Variants in TNFRSF14 observed in about 807,000 individuals in gnomAD.
TNFRSF14 encodes the protein TNF receptor superfamily member 14.
In TNFRSF14, 18 loss-of-function variants were observed where a neutral mutation model predicts 34.1. That is an observed-to-expected ratio of 0.53 (90% CI 0.36 to 0.78). The LOEUF (loss-of-function observed/expected upper bound fraction) is 0.78, where lower values mean the gene tolerates loss of function less well. Ranked by LOEUF, TNFRSF14 falls within the 30% of genes least tolerant of loss-of-function variation. The probability of loss-of-function intolerance (pLI) is 0.00; values close to 1 mark genes in which losing one functional copy is unlikely to be tolerated. For missense variants in TNFRSF14, 352 were observed against 379.5 expected (o/e 0.93, Z 0.60); for synonymous variants, 157 against 153.2 (o/e 1.02, Z -0.18).
chr1:2,560,514 T>C, intron 4 of TNFRSF14, 110 bp from the exon 5 acceptor site: 1 of 743,426 alleles, frequency 1.3e-6, no homozygotes, highest in East Asian at 2.7e-5. Context: ...GGTCCTCCCA[T>C]CACCCGTAGA....
chr1:2,561,359 G>A lies in TNFRSF14; in HGVS notation c.552-314G>A, dbSNP rs889584436. ...TACCTTCTGTCCTTGTCTGCCACTGGTCTCCCGTGCTCTGGGGTCTCTGCA... is the reference window on the plus strand; with the variant it reads ...TACCTTCTGTCCTTGTCTGCCACTGATCTCCCGTGCTCTGGGGTCTCTGCA... On this transcript the variant is annotated intron_variant, in intron 5 of 7. Transcript: ENST00000355716. The surrounding 1 kb of genome is among the most constrained non-coding windows in gnomAD (Gnocchi z 6.0). The A allele has an allele frequency of 1.0e-5, 8 of 797,824 alleles. No homozygotes were observed. In the African/African-American group the frequency reaches 1.4e-4, roughly 14 times the overall value. 49.4% of individuals were successfully genotyped at this position (797,824 alleles called of 1,614,324 possible). A position where few individuals can be genotyped will look rare whatever the true frequency, so the allele number is the denominator to read the frequency against.
rs756220894 is a variant in TNFRSF14 at position 2,559,963 on chromosome 1, A to G, written c.445A>G (p.Arg149Gly). Reference protein sequence around the residue: ...RAYATSSPGQRVQKGGTESQD... With the variant: ...RAYATSSPGQGVQKGGTESQD... The stretch of plus-strand genomic sequence containing the variant: ...TTACGCCACCTCCAGCCCGGGCCAG[A>G]GGGTGCAGAAGGGAGGTAAGCGGTG... The change falls in exon 4 of 8, where the codon AGG becomes GGG. Residue 149 changes from arginine to glycine, a missense_variant. Transcript: ENST00000355716. 9 of 1,570,228 alleles carry G rather than the reference A, an allele frequency of 5.7e-6. No homozygotes were observed. In the African/African-American group the frequency reaches 1.1e-4, roughly 19 times the overall value.
rs1644259534 is a variant in TNFRSF14 at position 2,558,819 on chromosome 1, T to C, written c.304+351T>C. 4 of 1,327,290 alleles carry C rather than the reference T, an allele frequency of 3.0e-6. No individual in the cohort carries two copies. In the South Asian group the frequency reaches 5.8e-5, roughly 19 times the overall value. The allele number at this position is 1,327,290 out of a possible 1,614,324, so 82.2% of individuals were successfully genotyped here. A position where few individuals can be genotyped will look rare whatever the true frequency, so the allele number is the denominator to read the frequency against. On this transcript the variant is annotated intron_variant, in intron 3 of 7. Coordinates refer to ENST00000355716, the MANE Select transcript of TNFRSF14 (RefSeq NM_003820.4). ...AAGTGGAATGGGATGGTGCTGGGAC[T>C]CTCCGGCCGGCACTCGGGCCTGCTG...
intron 6 of TNFRSF14, chr1:2,562,094 G>A (rs1644318589): frequency 2.0e-6 from 1 of 509,498 alleles, no homozygotes; most frequent in African/African-American, 1.9e-5. Flanking sequence ...CCTGCCCCCT[G>A]TGGGATGTGG....
At chr1:2,556,113 G>A (rs780346791), upstream of TNFRSF14, 18 of 357,112 alleles carry the variant, frequency 5.0e-5, no homozygotes, top group Admixed American at 5.8e-4. Flanking sequence ...TGGCCAGACC[G>A]CATTCTGGTG....
At position 2,557,802 on chromosome 1, in the gene TNFRSF14, T is replaced by G; in HGVS notation, c.146T>G (p.Val49Gly). The change falls in exon 2 of 8, where the codon GTG becomes GGG. Residue 49 changes from valine (V) to glycine (G), a missense_variant. Physicochemically the swap from Val to Gly is moderately radical, Grantham distance 109. Transcript: ENST00000355716. ...LPSCKEDEYP[V>G]GSECCPKCSP... ...TCCTGCAAGGAGGACGAGTACCCAGTGGGCTCCGAGTGCTGCCCCAAGTGC... is the reference window on the plus strand; with the variant it reads ...TCCTGCAAGGAGGACGAGTACCCAGGGGGCTCCGAGTGCTGCCCCAAGTGC... The G allele has an allele frequency of 6.2e-7, 1 of 1,611,478 alleles. No homozygotes were observed. Among genetic ancestry groups the G allele is most frequent in the South Asian group, 1.1e-5 (1 of 90,752 alleles).
upstream of TNFRSF14, chr1:2,556,306 G>A (rs1488779189): frequency 1.9e-5 from 11 of 581,410 alleles, no homozygotes; most frequent in Admixed American, 2.2e-4. Flanking sequence ...CCTTCTACAG[G>A]AAACCCGGAG....
chr1:2,554,763 C>T (rs926569374), upstream of TNFRSF14: 1 of 152,292 alleles, frequency 6.6e-6, no homozygotes, highest in Admixed American at 6.5e-5. This position sits in a 1 kb window ranked among gnomAD's most constrained non-coding sequence, Gnocchi z 4.2. Flanking sequence ...CAGTTTCCCT[C>T]CTCCCCAGGG....
chr1:2,562,870 G>A lies in TNFRSF14; in HGVS notation c.700G>A (p.Val234Ile), dbSNP rs780202836. The change falls in exon 7 of 8, where the codon GTA (valine) becomes ATA (isoleucine). Residue 234 changes from valine to isoleucine, a missense_variant. Physicochemically the swap from Val to Ile is conservative, Grantham distance 29 (BLOSUM62 3). Transcript: ENST00000355716. Reference sequence around the variant, plus strand: ...TGTGTGTCTGTGTATTGCAGGTGATGTAGTCAAGGTGATCGTCTCCGTCCA... The same window carrying A: ...TGTGTGTCTGTGTATTGCAGGTGATATAGTCAAGGTGATCGTCTCCGTCCA... ...CVKRRKPRGD[V>I]VKVIVSVQRK... 2 of 1,613,956 alleles carry A rather than the reference G, an allele frequency of 1.2e-6. No individual in the cohort carries two copies. Among genetic ancestry groups the A allele is most frequent in the East Asian group, 2.2e-5 (1 of 44,886 alleles).
chr1:2,560,615 T>C lies in TNFRSF14; in HGVS notation c.461-9T>C, dbSNP rs754024387. ...CCTCAGCCCCCTCTGTCCGTCCCTCTCTTCTCAGGCACCGAGAGTCAGGAC... is the reference window on the plus strand; with the variant it reads ...CCTCAGCCCCCTCTGTCCGTCCCTCCCTTCTCAGGCACCGAGAGTCAGGAC... On this transcript the variant is annotated splice_polypyrimidine_tract_variant and intron_variant, in intron 4 of 7. Coordinates refer to ENST00000355716, the MANE Select transcript of TNFRSF14 (RefSeq NM_003820.4). 6.2e-7 allele frequency: 1 copy of C among 1,611,652 alleles called. No individual in the cohort carries two copies. The highest frequency in any genetic ancestry group is 8.5e-7 in the Non-Finnish European group (1 of 1,178,992).
intron 6 of TNFRSF14, chr1:2,562,173 A>T (rs1242954984): frequency 5.5e-6 from 2 of 363,884 alleles, no homozygotes; most frequent in African/African-American, 2.0e-5. Flanking sequence ...CCTGCTGGGG[A>T]CAAGGCTTTG....
At position 2,556,479 on chromosome 1, in the gene TNFRSF14, C is replaced by T; in HGVS notation, c.-186C>T. 1.4e-6 allele frequency: 1 copy of T among 719,532 alleles called. No individual in the cohort carries two copies. Among genetic ancestry groups the T allele is most frequent in the Middle Eastern group, 2.3e-4 (1 of 4,412 alleles). The allele number at this position is 719,532 out of a possible 1,614,324, so 44.6% of individuals were successfully genotyped here. ...AGCAGGCCTGAGCCCCTCTCTGCTGCCAGACACCCCCTGCTGCCCACTCTC... is the reference window on the plus strand; with the variant it reads ...AGCAGGCCTGAGCCCCTCTCTGCTGTCAGACACCCCCTGCTGCCCACTCTC... On this transcript the variant is annotated 5_prime_UTR_variant, in exon 1 of 8. Transcript: ENST00000355716.
In TNFRSF14 at chr1:2,556,476, C is replaced by T. The variant is rs1445967574; in HGVS notation, c.-189C>T. 3 of 716,660 alleles carry T rather than the reference C, an allele frequency of 4.2e-6. No homozygotes were observed. In the African/African-American group the frequency reaches 5.2e-5, roughly 12 times the overall value. 44.4% of individuals were successfully genotyped at this position (716,660 alleles called of 1,614,324 possible). A position where few individuals can be genotyped will look rare whatever the true frequency, so the allele number is the denominator to read the frequency against. ...CCCAGCAGGCCTGAGCCCCTCTCTG[C>T]TGCCAGACACCCCCTGCTGCCCACT... On this transcript the variant is annotated 5_prime_UTR_variant, in exon 1 of 8. Transcript: ENST00000355716.
At chr1:2,560,889 G>C in intron 5 of TNFRSF14, 175 bp downstream of exon 5, 1 of 617,462 alleles carries the variant, frequency 1.6e-6, no homozygotes, top group Non-Finnish European at 2.9e-6. Flanking sequence ...GTGTGCCCCA[G>C]ATAACCCCTT....
chr1:2,556,784 C>T (rs747028667), intron 1 of TNFRSF14, 51 bp downstream of exon 1: 1 of 1,503,894 alleles, frequency 6.6e-7, no homozygotes, highest in Non-Finnish European at 8.9e-7. Flanking sequence ...AGTTCTGACC[C>T]CAGGGCCTCC....
chr1:2,559,784 C>T (rs373601903), intron 3 of TNFRSF14, 39 bp from the exon 4 acceptor site: 10 of 1,585,430 alleles, frequency 6.3e-6, no homozygotes, highest in African/African-American at 1.3e-5. Flanking sequence ...GTGTCCCGGC[C>T]TCCACGTACC....
At chr1:2,555,870 C>T (rs998236288), upstream of TNFRSF14, 2 of 156,730 alleles carry the variant, frequency 1.3e-5, no homozygotes, top group African/African-American at 4.8e-5. This position sits in a 1 kb window ranked among gnomAD's most constrained non-coding sequence, Gnocchi z 6.3. Context: ...CCACCAGGCT[C>T]TGTGGGGCAG....
rs540775641 is a variant in TNFRSF14 at position 2,561,126 on chromosome 1, C to G, written c.551+412C>G. The G allele has an allele frequency of 5.8e-5, 19 of 329,306 alleles. 1 individual carries two copies. The South Asian group carries it at 1.3e-3, about 23-fold the overall frequency. The allele number at this position is 329,306 out of a possible 1,614,324, so 20.4% of individuals were successfully genotyped here. A position where few individuals can be genotyped will look rare whatever the true frequency, so the allele number is the denominator to read the frequency against. The stretch of plus-strand genomic sequence containing the variant: ...CGGGAGGACACCTTCAAATGCTGAC[C>G]CTGGGCCCCTAACTGACCTGAGACT... On this transcript the variant is annotated intron_variant, in intron 5 of 7. Coordinates refer to ENST00000355716, the MANE Select transcript of TNFRSF14 (RefSeq NM_003820.4). The surrounding 1 kb of genome is among the most constrained non-coding windows in gnomAD (Gnocchi z 6.0).
rs942186646 is a variant in TNFRSF14, at chr1:2,559,540, G to T, written c.305-283G>T. 7 of 1,510,896 alleles carry T rather than the reference G, an allele frequency of 4.6e-6. No homozygotes were observed. The African/African-American group carries it at 6.9e-5, about 15-fold the overall frequency. The allele number at this position is 1,510,896 out of a possible 1,614,324, so 93.6% of individuals were successfully genotyped here. On this transcript the variant is annotated intron_variant, in intron 3 of 7. Transcript: ENST00000355716. Reference sequence around the variant, plus strand: ...CTGGAACTGACAGTGCAAGCTCGGCGTCCTGCCCATCTGGGCAGAAGGCTG... The same window carrying T: ...CTGGAACTGACAGTGCAAGCTCGGCTTCCTGCCCATCTGGGCAGAAGGCTG...
Sources: gnomAD v4.1 joint callset for allele counts on GRCh38, gnomAD v4.1.1 for gene constraint, Gnocchi (gnomAD v3.1) non-coding constraint, MANE v1.5 for transcripts, NCBI Gene and HGNC (gene_info 2026-07-23, HGNC 2026-07-21) for gene names.